The following RHEB variants were observed in gnomAD, a reference collection of about 807,000 sequenced individuals.
RHEB encodes Ras homolog, mTORC1 binding, also known as GTP-binding protein Rheb.
Under a neutral mutation model 28.8 loss-of-function variants are expected in RHEB, and 2 were observed. That is an observed-to-expected ratio of 0.07 (90% confidence interval 0.03 to 0.22). The LOEUF (loss-of-function observed/expected upper bound fraction) is 0.22. RHEB is among the 10% of genes least tolerant of loss of function. The probability of loss-of-function intolerance (pLI) is 1.00; values close to 1 mark genes in which losing one functional copy is unlikely to be tolerated. For synonymous variants in RHEB, 69 were observed against 77.3 expected, an observed-to-expected ratio of 0.89 and a Z score of 0.56; for missense variants, 76 against 219.9, an observed-to-expected ratio of 0.35 and a Z score of 4.14.
At chr7:151,508,456 C>T (rs553093908) in intron 1 of RHEB, among the ~76,000 whole-genome samples, 2 of 152,230 alleles carry the variant, frequency 1.3e-5, no homozygotes, top group East Asian at 3.9e-4. Context: ...TGCTCAGTTC[C>T]GACTGAGATG....
At chr7:151,479,516 A>G (rs1441345507) in intron 3 of RHEB, among the ~76,000 whole-genome samples, 1 of 151,968 alleles carries the variant, frequency 6.6e-6, no homozygotes, top group Non-Finnish European at 1.5e-5. Context: ...CCCCGTCTCC[A>G]CTCAAAATAC....
At chr7:151,491,675 T>C (rs1802584426) in intron 1 of RHEB, among the ~76,000 whole-genome samples, 2 of 151,452 alleles carry the variant, frequency 1.3e-5, no homozygotes, top group African/African-American at 4.9e-5. Flanking sequence ...AGGCAGAGGC[T>C]GCAGTGGGCC....
chr7:151,510,917 A>G (rs746395867), intron 1 of RHEB, among the ~76,000 whole-genome samples: 28 of 152,014 alleles, frequency 1.8e-4, no homozygotes, highest in Non-Finnish European at 3.7e-4. Context: ...ATGTCTACAA[A>G]AAAATAAAAA....
At chr7:151,513,582 CG>C (rs1481553872) in intron 1 of RHEB, among the ~76,000 whole-genome samples, 3 of 152,172 alleles carry the variant, frequency 2.0e-5, no homozygotes, top group Non-Finnish European at 4.4e-5. Context: ...TGACCAGTAA[CG>C]CTACAAAACC....
At chr7:151,486,491 G>A (rs571616769) in intron 2 of RHEB, among the ~76,000 whole-genome samples, 5 of 152,262 alleles carry the variant, frequency 3.3e-5, no homozygotes, top group Admixed American at 1.3e-4. Context: ...CCCTGGGAGT[G>A]GAACACCCAG....
At chr7:151,517,879 A>G (rs1214247630) in intron 1 of RHEB, 1 of 152,178 alleles carries the variant, frequency 6.6e-6, no homozygotes, top group South Asian at 2.1e-4. Context: ...ATAGTTGCCA[A>G]TAAGTACTTA....
intron 3 of RHEB, among the ~76,000 whole-genome samples, chr7:151,477,646 T>C (rs1802295100): frequency 6.6e-6 from 1 of 152,088 alleles, no homozygotes; most frequent in South Asian, 2.1e-4. Context: ...TAGGGGAAAG[T>C]CTGATGACCT....
intron 1 of RHEB, chr7:151,501,944 A>AGCTTGGAGGCGGGCTGG (rs1371028699): frequency 7.0e-6 from 5 of 713,942 alleles, no homozygotes; most frequent in Non-Finnish European, 1.3e-5. Context: ...GCTCATTAAG[A>AGCTTGGAGGCGGGCTGG]GCTTGGAGGC....
chr7:151,471,934 G>C, intron 4 of RHEB: 2 of 268,730 alleles, frequency 7.4e-6, no homozygotes, highest in Non-Finnish European at 1.4e-5. Context: ...ATTACAACTT[G>C]AACAGCTTTT....
chr7:151,476,687 C>T (rs1422113891), intron 4 of RHEB, among the ~76,000 whole-genome samples: 1 of 152,224 alleles, frequency 6.6e-6, no homozygotes, highest in East Asian at 1.9e-4. Flanking sequence ...CAAACGCCCT[C>T]CACTGGCACT....
In RHEB at chr7:151,491,028, C is replaced by G. The variant is rs772726190; in HGVS notation, c.53-14G>C. The G allele has an allele frequency of 6.2e-7, 1 of 1,604,934 alleles. No individual in the cohort carries two copies. The highest frequency in any genetic ancestry group is 8.5e-7 in the Non-Finnish European group (1 of 1,174,252). The stretch of plus-strand genomic sequence containing the variant: ...ATGAGGATTTCCCTATAAAAGAGAA[C>G]AAGAGCTTAGTGTGTGTTGGCATAT... On this transcript the variant is annotated splice_polypyrimidine_tract_variant and intron_variant, in intron 1 of 7. Transcript: ENST00000262187.
chr7:151,494,123 T>C (rs1400650491), intron 1 of RHEB, among the ~76,000 whole-genome samples: 1 of 152,090 alleles, frequency 6.6e-6, no homozygotes, highest in African/African-American at 2.4e-5. Context: ...CCTAAAGATA[T>C]GGGCAAGAGT....
rs75071522 is a variant in RHEB at position 151,501,037 on chromosome 7, A to C, written c.53-10023T>G. On this transcript the variant is annotated intron_variant, in intron 1 of 7. Transcript: ENST00000262187. Reference sequence around the variant, plus strand: ...GTAAAAACTATCAAACTTCTAGAAGAAGCATTGGAAAAAAATCTTTGCAAC... The same window carrying C: ...GTAAAAACTATCAAACTTCTAGAAGCAGCATTGGAAAAAAATCTTTGCAAC... Among the ~76,000 whole-genome samples, 1,287 of 152,308 alleles carry C rather than the reference A, an allele frequency of 8.4e-3. 20 individuals carry two copies. Among genetic ancestry groups the C allele is most frequent in the African/African-American group, 0.029 (1,201 of 41,584 alleles).
At chr7:151,511,243 A>G (rs1053810157) in intron 1 of RHEB, among the ~76,000 whole-genome samples, 10 of 152,246 alleles carry the variant, frequency 6.6e-5, no homozygotes, top group Admixed American at 6.5e-5. Context: ...GCCATCAGGT[A>G]GTTATTAACA....
chr7:151,493,215 G>A (rs756626627), intron 1 of RHEB, among the ~76,000 whole-genome samples: 4 of 151,920 alleles, frequency 2.6e-5, no homozygotes, highest in East Asian at 1.9e-4. Context: ...GACCTCATCC[G>A]CCAACAGCCC....
In RHEB at chr7:151,501,964, G is replaced by A. The variant is rs58345403; in HGVS notation, c.53-10950C>T. ...TTAAGAGCTTGGAGGCGGGCTGGGC[G>A]CCGTGGCTCACGCCTGTAATCCCAG... On this transcript the variant is annotated intron_variant, in intron 1 of 7. Transcript: ENST00000262187. 2,166 of 648,546 alleles carry A rather than the reference G, an allele frequency of 3.3e-3. 27 individuals carry two copies. Among genetic ancestry groups the A allele is most frequent in the African/African-American group, 0.032 (1,771 of 55,092 alleles). 40.2% of individuals were successfully genotyped at this position (648,546 alleles called of 1,614,324 possible).
chr7:151,480,500 G>A (rs1167966613), intron 3 of RHEB, among the ~76,000 whole-genome samples: 2 of 151,090 alleles, frequency 1.3e-5, no homozygotes, highest in African/African-American at 4.9e-5. Flanking sequence ...GCTGGTGGGG[G>A]TGGGGGGTTA....
chr7:151,516,641 A>G (rs1041693107), intron 1 of RHEB, among the ~76,000 whole-genome samples: 30 of 151,804 alleles, frequency 2.0e-4, no homozygotes, highest in South Asian at 1.0e-3. Context: ...AAAAAAAAAA[A>G]AAAGAAAGCC....
intron 4 of RHEB, among the ~76,000 whole-genome samples, chr7:151,474,342 G>A (rs1251891736): frequency 9.2e-5 from 14 of 152,106 alleles, no homozygotes; most frequent in East Asian, 7.7e-4. Context: ...CACCACACCC[G>A]GGTAATTTTT....
Sources: allele counts gnomAD v4.1 joint callset (sites outside exome capture counted in the v4.1 genomes callset), GRCh38; gene constraint gnomAD v4.1.1; transcripts MANE v1.5; gene names NCBI Gene and HGNC (gene_info 2026-07-23, HGNC 2026-07-21).